LPP: variants seen among roughly 807,000 people sequenced by gnomAD.
LPP encodes the protein LIM domain containing preferred translocation partner in lipoma, also known as lipoma-preferred partner.
Under a neutral mutation model 60.4 loss-of-function variants are expected in LPP, and 38 were observed. That is an observed-to-expected ratio of 0.63 (90% CI 0.49 to 0.83). The LOEUF (loss-of-function observed/expected upper bound fraction) is 0.83. LPP is among the 40% of genes least tolerant of loss of function. The probability of loss-of-function intolerance (pLI) is 0.00; values close to 1 mark genes in which losing one functional copy is unlikely to be tolerated. For synonymous variants in LPP, 328 were observed against 290.8 expected (o/e 1.13, Z -1.30); for missense variants, 902 against 783.6 (o/e 1.15, Z -1.80).
rs761373603 is a variant in LPP, at chr3:188,496,434, C to CT, written c.306+11737dup. Reference sequence around the variant, plus strand: ...GAGCCACTGCACCCAGCAAACATTGCTTTTTTTAATAAAAGACTTTCATAT... The same window carrying CT: ...GAGCCACTGCACCCAGCAAACATTGCTTTTTTTTAATAAAAGACTTTCATAT... On this transcript the variant is annotated intron_variant, in intron 5 of 11. Transcript: ENST00000617246. Among the ~76,000 whole-genome samples, 59 of 152,210 alleles carry CT rather than the reference C, an allele frequency of 3.9e-4. 1 individual carries two copies. The East Asian group carries it at 8.3e-3, about 21-fold the overall frequency.
intron 4 of LPP, among the ~76,000 whole-genome samples, chr3:188,418,595 T>C (rs1786963541): frequency 6.6e-6 from 1 of 152,336 alleles, no homozygotes; most frequent in East Asian, 1.9e-4. Context: ...TTAAATGAAA[T>C]AATTTTTCCA....
At chr3:188,850,154 G>C (rs1395740251) in intron 9 of LPP, among the ~76,000 whole-genome samples, 4 of 152,226 alleles carry the variant, frequency 2.6e-5, no homozygotes, top group Non-Finnish European at 5.9e-5. Context: ...GTTTTACACA[G>C]ATCAATATGA....
intron 7 of LPP, among the ~76,000 whole-genome samples, chr3:188,686,122 G>A (rs547160049): frequency 1.3e-5 from 2 of 152,150 alleles, no homozygotes; most frequent in African/African-American, 2.4e-5. Flanking sequence ...AACATTTTCA[G>A]ATTTTTAAAT....
chr3:188,886,860 A>G lies in LPP; in HGVS notation c.*12381A>G, dbSNP rs1248606842. 4.3e-6 allele frequency: 1 copy of G among 230,262 alleles called. No homozygotes were observed. The highest frequency in any genetic ancestry group is 5.7e-5 in the Admixed American group (1 of 17,640). The allele number at this position is 230,262 out of a possible 1,614,324, so 14.3% of individuals were successfully genotyped here. ...AATTAATAAATCCTAAACCTGACCC[A>G]TTTTTGTAACAGCTAAAAAGGAGAA... On this transcript the variant is annotated 3_prime_UTR_variant, in exon 12 of 12. Transcript: ENST00000617246.
At chr3:188,243,229 A>G (rs1193795365) in intron 2 of LPP, among the ~76,000 whole-genome samples, 1 of 152,212 alleles carries the variant, frequency 6.6e-6, no homozygotes, top group East Asian at 1.9e-4. Flanking sequence ...TTCTGTTCTC[A>G]GGAGTTATAC....
At chr3:188,222,669 C>T (rs958438937) in intron 1 of LPP, among the ~76,000 whole-genome samples, 9 of 152,012 alleles carry the variant, frequency 5.9e-5, no homozygotes, top group African/African-American at 1.7e-4. Flanking sequence ...CTGGGGGCAG[C>T]ACTAATTCAG....
At chr3:188,848,481 C>A (rs537932809) in intron 9 of LPP, among the ~76,000 whole-genome samples, 1 of 152,280 alleles carries the variant, frequency 6.6e-6, no homozygotes, top group East Asian at 1.9e-4. Flanking sequence ...AGCAGGGCAG[C>A]GTGTCAAGAT....
chr3:188,657,858 T>C (rs1417958007), intron 7 of LPP, among the ~76,000 whole-genome samples: 4 of 152,190 alleles, frequency 2.6e-5, no homozygotes, highest in African/African-American at 7.2e-5. Context: ...ATATGCATGC[T>C]CATAGTACTC....
At chr3:188,523,150 A>G (rs983041387) in intron 5 of LPP, among the ~76,000 whole-genome samples, 1 of 151,562 alleles carries the variant, frequency 6.6e-6, no homozygotes, top group African/African-American at 2.4e-5. Flanking sequence ...CAGATAATCC[A>G]CCCGCCTTGG....
At chr3:188,804,242 T>TA (rs1159352398) in intron 9 of LPP, among the ~76,000 whole-genome samples, 22 of 79,438 alleles carry the variant, frequency 2.8e-4, no homozygotes, top group African/African-American at 6.8e-4. Flanking sequence ...GTAGTGCATC[T>TA]TTATATATAT....
Position 188,869,444 on chromosome 3 carries a change from C to T in LPP, c.1589+3066C>T, listed in dbSNP as rs193244779. Among the ~76,000 whole-genome samples, 532 of 152,280 alleles carry T rather than the reference C, an allele frequency of 3.5e-3. 5 individuals are homozygous for T. The highest frequency in any genetic ancestry group is 0.012 in the African/African-American group (501 of 41,546). On this transcript the variant is annotated intron_variant, in intron 10 of 11. Coordinates refer to ENST00000617246, the MANE Select transcript of LPP (RefSeq NM_001375462.1). Reference sequence around the variant, plus strand: ...TAGCTTGGATTACGGGCACCCACCACCATGCCTGGCTAATTTTTATATTTT... The same window carrying T: ...TAGCTTGGATTACGGGCACCCACCATCATGCCTGGCTAATTTTTATATTTT...
chr3:188,489,592 A>T (rs965240837), intron 5 of LPP, among the ~76,000 whole-genome samples: 1 of 152,210 alleles, frequency 6.6e-6, no homozygotes, highest in Non-Finnish European at 1.5e-5. Context: ...GCTTGTTATT[A>T]TTTTAAATAT....
chr3:188,213,961 A>C (rs376981951), intron 1 of LPP, among the ~76,000 whole-genome samples: 1 of 130,324 alleles, frequency 7.7e-6, no homozygotes, highest in Non-Finnish European at 1.6e-5. Context: ...TTAGATTTTA[A>C]ACACACACAC....
At chr3:188,318,331 T>G (rs181000002) in intron 2 of LPP, among the ~76,000 whole-genome samples, 19 of 151,764 alleles carry the variant, frequency 1.3e-4, no homozygotes, top group African/African-American at 3.9e-4. Context: ...ATCTGAAAAG[T>G]GTTGGGCTCC....
chr3:188,595,915 C>A (rs6444310), intron 6 of LPP, among the ~76,000 whole-genome samples: 43,496 of 151,902 alleles, frequency 0.29, 6,650 homozygotes, highest in Non-Finnish European at 0.33. Flanking sequence ...CAAAGACAGG[C>A]GTGAGAGAGA....
chr3:188,160,457 G>C (rs1394575620), intron 1 of LPP, among the ~76,000 whole-genome samples: 1 of 152,234 alleles, frequency 6.6e-6, no homozygotes, highest in African/African-American at 2.4e-5. Flanking sequence ...GCCTCCCAAA[G>C]TGCTGGGATT....
At chr3:188,437,593 A>C (rs566666019) in intron 4 of LPP, among the ~76,000 whole-genome samples, 4 of 152,228 alleles carry the variant, frequency 2.6e-5, no homozygotes, top group African/African-American at 9.6e-5. Context: ...TATAGTTTTC[A>C]TAATATGTAA....
intron 3 of LPP, among the ~76,000 whole-genome samples, chr3:188,347,745 T>C (rs570825233): frequency 8.7e-4 from 133 of 152,306 alleles, no homozygotes; most frequent in Non-Finnish European, 1.7e-3. Context: ...GCTTAGCACC[T>C]GATGACCCAC....
chr3:188,795,798 A>G (rs960033199), intron 9 of LPP, among the ~76,000 whole-genome samples: 1 of 152,204 alleles, frequency 6.6e-6, no homozygotes, highest in Non-Finnish European at 1.5e-5. Context: ...TTAACAGAGT[A>G]TATAAAATTC....
Sources: allele counts gnomAD v4.1 joint callset (sites outside exome capture counted in the v4.1 genomes callset), GRCh38; gene constraint gnomAD v4.1.1; transcripts MANE v1.5; gene names NCBI Gene and HGNC (gene_info 2026-07-23, HGNC 2026-07-21).